Variants in DCC observed in about 807,000 individuals in gnomAD.
The protein encoded by DCC is DCC netrin 1 receptor, also known as netrin receptor DCC.
DCC carries 58 observed loss-of-function variants against 172.5 expected under a neutral mutation model. The observed-to-expected ratio is 0.34, with a 90% CI of 0.27 to 0.42. DCC has a LOEUF of 0.42. DCC is among the 10% of genes least tolerant of loss of function. The probability of loss-of-function intolerance (pLI) is 1.00; values close to 1 mark genes in which losing one functional copy is unlikely to be tolerated. For missense variants in DCC, 1,740 were observed against 1,791.0 expected, an observed-to-expected ratio of 0.97 and a Z score of 0.51; for synonymous variants, 709 against 644.5, an observed-to-expected ratio of 1.10 and a Z score of -1.52.
chr18:52,830,296 T>A (rs2038589770), intron 2 of DCC, among the ~76,000 whole-genome samples: 1 of 116,934 alleles, frequency 8.6e-6, no homozygotes, highest in Non-Finnish European at 1.9e-5. Context: ...GCAATTTAGT[T>A]TTTTTAGCTC....
chr18:52,853,270 T>TC (rs1265122785), intron 2 of DCC, among the ~76,000 whole-genome samples: 13 of 152,168 alleles, frequency 8.5e-5, no homozygotes, highest in Admixed American at 8.5e-4. Flanking sequence ...ACAGGATAAA[T>TC]CTTCTGTAAG....
chr18:52,403,876 G>C (rs1301235126), intron 1 of DCC, among the ~76,000 whole-genome samples: 1 of 152,110 alleles, frequency 6.6e-6, no homozygotes, highest in East Asian at 1.9e-4. Context: ...TGAGTGTATT[G>C]TTCACTGAGA....
rs189900880 is a variant in DCC at position 53,485,435 on chromosome 18, A to G, written c.3737-1362A>G. Among the ~76,000 whole-genome samples, 558 of 152,242 alleles carry G rather than the reference A, an allele frequency of 3.7e-3. 1 individual carries two copies. The highest frequency in any genetic ancestry group is 0.012 in the African/African-American group (519 of 41,576). On this transcript the variant is annotated intron_variant, in intron 25 of 28. Transcript: ENST00000442544. Reference sequence around the variant, plus strand: ...TTGAAATATCACTTAGATCTTCACTAAAGCAATTTTTGTTGAAATGATTTA... The same window carrying G: ...TTGAAATATCACTTAGATCTTCACTGAAGCAATTTTTGTTGAAATGATTTA...
Position 53,103,091 on chromosome 18 carries a change from C to T in DCC, c.1261+36925C>T, listed in dbSNP as rs184224539. On this transcript the variant is annotated intron_variant, in intron 7 of 28. Transcript: ENST00000442544. ...CATTTACCCCATTCATTTATGAATTCATTCATTCAGTGATTTCTTATTGAG... is the reference window on the plus strand; with the variant it reads ...CATTTACCCCATTCATTTATGAATTTATTCATTCAGTGATTTCTTATTGAG... Among the ~76,000 whole-genome samples, 11 of 152,162 alleles carry T rather than the reference C, an allele frequency of 7.2e-5. No homozygotes were observed. The East Asian group carries it at 2.1e-3, about 30-fold the overall frequency.
chr18:53,274,819 T>C (rs1370051890), intron 12 of DCC, among the ~76,000 whole-genome samples: 1 of 152,102 alleles, frequency 6.6e-6, no homozygotes, highest in African/African-American at 2.4e-5. Flanking sequence ...TCACCTAGGA[T>C]CCTTTAGAAA....
At chr18:52,865,521 T>G (rs1185267273) in intron 2 of DCC, among the ~76,000 whole-genome samples, 2 of 152,272 alleles carry the variant, frequency 1.3e-5, no homozygotes, top group East Asian at 1.9e-4. Flanking sequence ...GACTTTTTAA[T>G]GATCGCCATT....
At chr18:53,525,356 G>A (rs755455405) in intron 27 of DCC, among the ~76,000 whole-genome samples, 17 of 152,050 alleles carry the variant, frequency 1.1e-4, no homozygotes, top group African/African-American at 2.2e-4. Context: ...GTTTCATTTC[G>A]CTTCTCATCA....
chr18:52,937,663 T>A (rs932784111), intron 5 of DCC, among the ~76,000 whole-genome samples: 3 of 151,818 alleles, frequency 2.0e-5, no homozygotes, highest in East Asian at 1.9e-4. Context: ...TAAAAAAAAT[T>A]TTTTTGTAGA....
At chr18:53,314,596 C>A (rs575240437) in intron 13 of DCC, among the ~76,000 whole-genome samples, 1 of 152,066 alleles carries the variant, frequency 6.6e-6, no homozygotes, top group Admixed American at 6.6e-5. Context: ...ATTATATGAG[C>A]CATTTGACTA....
At chr18:53,043,421 C>T (rs765341449) in intron 5 of DCC, among the ~76,000 whole-genome samples, 2 of 151,748 alleles carry the variant, frequency 1.3e-5, no homozygotes, top group Admixed American at 6.6e-5. Context: ...ATGTAACAAA[C>T]CACATTCTGC....
intron 12 of DCC, among the ~76,000 whole-genome samples, chr18:53,227,397 C>T (rs1183991155): frequency 6.6e-6 from 1 of 152,102 alleles, no homozygotes; most frequent in Non-Finnish European, 1.5e-5. Flanking sequence ...AACAATGAAA[C>T]CCACTTATTT....
Position 53,234,375 on chromosome 18 carries a change from G to A in DCC, c.1911+18778G>A, listed in dbSNP as rs147460893. Among the ~76,000 whole-genome samples the A allele has an allele frequency of 2.2e-3, 329 of 152,150 alleles. 2 individuals are homozygous for A. The highest frequency in any genetic ancestry group is 7.6e-3 in the African/African-American group (317 of 41,518). ...ACCCAGGAGGCAGAGGTTGCAGTGC[G>A]TAAGATCACACCACTGCACTCCAGC... On this transcript the variant is annotated intron_variant, in intron 12 of 28. Transcript: ENST00000442544.
chr18:52,425,057 GT>G (rs1309300120), intron 1 of DCC, among the ~76,000 whole-genome samples: 2 of 152,024 alleles, frequency 1.3e-5, no homozygotes, highest in African/African-American at 4.8e-5. Flanking sequence ...TACCCATTAA[GT>G]AATTTCTAAT....
intron 2 of DCC, among the ~76,000 whole-genome samples, chr18:52,861,987 A>G (rs1197052557): frequency 6.6e-6 from 1 of 152,182 alleles, no homozygotes; most frequent in Non-Finnish European, 1.5e-5. Context: ...TACAACTGAC[A>G]AGGAAACTTT....
intron 1 of DCC, among the ~76,000 whole-genome samples, chr18:52,741,410 C>A (rs1418267853): frequency 6.6e-6 from 1 of 152,148 alleles, no homozygotes; most frequent in Non-Finnish European, 1.5e-5. Context: ...CTCATCACTA[C>A]TGATGTTTTG....
intron 1 of DCC, among the ~76,000 whole-genome samples, chr18:52,343,244 G>A (rs1983735836): frequency 6.6e-6 from 1 of 152,170 alleles, no homozygotes; most frequent in Non-Finnish European, 1.5e-5. Context: ...GAACATGGCA[G>A]GAAACTTACA....
chr18:53,386,277 CCT>C, intron 16 of DCC, 139 bp downstream of exon 16: 4 of 688,556 alleles, frequency 5.8e-6, no homozygotes, highest in South Asian at 1.6e-5. Context: ...GAATAATTAT[CCT>C]CTGAGTCTGA....
chr18:52,404,786 A>G (rs1306859056), intron 1 of DCC, among the ~76,000 whole-genome samples: 1 of 148,498 alleles, frequency 6.7e-6, no homozygotes, highest in Non-Finnish European at 1.5e-5. Flanking sequence ...AGCATTAGGT[A>G]TATCTCCCAA....
At position 52,923,921 on chromosome 18, in the gene DCC, T is replaced by G. The variant is rs1390734343; in HGVS notation, c.848+64T>G. ...TGTATGGTATATGCTGCTATTTATA[T>G]TTCTCTAATTTGATATAAGTACCTA... is the stretch of plus-strand genomic sequence containing the variant. On this transcript the variant is annotated intron_variant, in intron 4 of 28. Transcript: ENST00000442544. The G allele has an allele frequency of 3.3e-6, 4 of 1,215,018 alleles. No individual in the cohort carries two copies. The East Asian group carries it at 9.4e-5, about 28-fold the overall frequency. 75.3% of individuals were successfully genotyped at this position (1,215,018 alleles called of 1,614,324 possible).
Sources: gnomAD v4.1 joint callset for allele counts (sites outside exome capture counted in the v4.1 genomes callset) on GRCh38, gnomAD v4.1.1 for gene constraint, MANE v1.5 for transcripts, NCBI Gene and HGNC (gene_info 2026-07-23, HGNC 2026-07-21) for gene names.